MYO5C: variants seen among roughly 807,000 people sequenced by gnomAD.
MYO5C encodes the protein myosin VC.
MYO5C carries 194 observed loss-of-function variants against 235.7 expected under a neutral mutation model. The ratio of observed to expected loss-of-function variants is 0.82; its 90% CI spans 0.73 to 0.93. The LOEUF (loss-of-function observed/expected upper bound fraction) is 0.93, where lower values mean the gene tolerates loss of function less well. MYO5C is among the 40% of genes least tolerant of loss of function. The probability of loss-of-function intolerance (pLI) is 0.00; values close to 1 mark genes in which losing one functional copy is unlikely to be tolerated. For missense variants in MYO5C, 2,038 were observed against 2,127.2 expected (o/e 0.96, Z 0.82); for synonymous variants, 707 against 754.8 (o/e 0.94, Z 1.04).
chr15:52,227,794 G>A (rs2035862618), intron 25 of MYO5C, among the ~76,000 whole-genome samples: 1 of 152,208 alleles, frequency 6.6e-6, no homozygotes, highest in South Asian at 2.1e-4. Flanking sequence ...AGACACTTCA[G>A]TTGTGGAATT....
intron 1 of MYO5C, among the ~76,000 whole-genome samples, chr15:52,295,375 G>A (rs569780709): frequency 6.6e-6 from 1 of 152,292 alleles, no homozygotes; most frequent in Non-Finnish European, 1.5e-5. Context: ...GCCAGGAGGG[G>A]GCTTACCCGC....
At chr15:52,253,963 G>T (rs1290086691) in intron 11 of MYO5C, among the ~76,000 whole-genome samples, 8 of 121,480 alleles carry the variant, frequency 6.6e-5, no homozygotes, top group Admixed American at 5.7e-4. Context: ...GAGGATGAAA[G>T]AAAGTTTGGC....
At chr15:52,259,330 G>A (rs1480447151) in intron 10 of MYO5C, among the ~76,000 whole-genome samples, 1 of 149,204 alleles carries the variant, frequency 6.7e-6, no homozygotes, top group Non-Finnish European at 1.5e-5. Context: ...TGAGACAGGA[G>A]AATCGCTTGA....
In MYO5C at chr15:52,204,849, G is replaced by C. The variant is rs752170013; in HGVS notation, c.4820+16C>G. 6 of 1,611,386 alleles carry C rather than the reference G, an allele frequency of 3.7e-6. No individual in the cohort carries two copies. The highest frequency in any genetic ancestry group is 4.2e-6 in the Non-Finnish European group (5 of 1,178,944). On this transcript the variant is annotated intron_variant, in intron 38 of 40. Coordinates refer to ENST00000261839, the MANE Select transcript of MYO5C (RefSeq NM_018728.4). ...CTGCAGGCCTCTCCGCGTGAGCGGA[G>C]GTTTCTGGGTTTTACCTGATCTGCA... is the stretch of plus-strand genomic sequence containing the variant.
rs775479835 is a variant in MYO5C at position 52,256,587 on chromosome 15, A to ACGCG, written c.1395+48_1395+51dup. Reference sequence around the variant, plus strand: ...AACACACACACACACACACACACACACGCGCGCGCGCGCGGCTGAGAACTA... The same window carrying ACGCG: ...AACACACACACACACACACACACACACGCGCGCGCGCGCGCGCGGCTGAGAACTA... On this transcript the variant is annotated intron_variant, in intron 11 of 40. Transcript: ENST00000261839. 6.2e-3 allele frequency: 3,500 copies of ACGCG among 566,738 alleles called. 114 individuals are homozygous for ACGCG. The highest frequency in any genetic ancestry group is 0.035 in the African/African-American group (1,808 of 50,934). The allele number at this position is 566,738 out of a possible 1,614,324, so 35.1% of individuals were successfully genotyped here. A position where few individuals can be genotyped will look rare whatever the true frequency, so the allele number is the denominator to read the frequency against.
At position 52,256,674 on chromosome 15, in the gene MYO5C, A is replaced by T; in HGVS notation, c.1360T>A (p.Tyr454Asn). 6.2e-7 allele frequency: 1 copy of T among 1,606,932 alleles called. No individual in the cohort carries two copies. The highest frequency in any genetic ancestry group is 2.4e-5 in the East Asian group (1 of 42,286). The change falls in exon 11 of 41, where the codon TAC becomes AAC. Residue 454 changes from tyrosine (Y) to asparagine (N), a missense_variant. By Grantham distance (143) the Tyr-to-Asn change is moderately radical. Coordinates refer to ENST00000261839, the MANE Select transcript of MYO5C (RefSeq NM_018728.4). ...VNSFEQFCIN[Y>N]ANEKLQQQFN... ...TGTTGTTGCAGTTTTTCATTAGCGTAATTGATGCAAAATTGTTCAAAGCTG... is the reference window on the plus strand; with the variant it reads ...TGTTGTTGCAGTTTTTCATTAGCGTTATTGATGCAAAATTGTTCAAAGCTG...
chr15:52,287,583 C>G (rs2140871069), intron 1 of MYO5C, among the ~76,000 whole-genome samples: 1 of 152,192 alleles, frequency 6.6e-6, no homozygotes, highest in Non-Finnish European at 1.5e-5. Context: ...CATGAATTAC[C>G]AAATTTATCA....
chr15:52,284,436 AGGGT>A (rs2037220574), intron 1 of MYO5C, among the ~76,000 whole-genome samples: 1 of 142,888 alleles, frequency 7.0e-6, no homozygotes, highest in African/African-American at 2.5e-5. Flanking sequence ...GTTGCCTCTG[AGGGT>A]GGGTGGGGCC....
At chr15:52,265,077 T>C (rs896102270) in intron 8 of MYO5C, 1 of 152,260 alleles carries the variant, frequency 6.6e-6, no homozygotes, top group African/African-American at 2.4e-5. Context: ...ACCTCTGCAG[T>C]TGTAAATAAT....
At chr15:52,269,694 ATTTTT>A in intron 8 of MYO5C, 54 bp downstream of exon 8, 1 of 1,015,562 alleles carries the variant, frequency 9.8e-7, no homozygotes. Flanking sequence ...CCTGGCCTTA[ATTTTT>A]TTTTTTTTTT....
rs1197103603 is a variant in MYO5C at position 52,219,799 on chromosome 15, G to A, written c.3745C>T (p.Gln1249Ter). 6.2e-7 allele frequency: 1 copy of A among 1,612,272 alleles called. No homozygotes were observed. Among genetic ancestry groups the A allele is most frequent in the East Asian group, 2.2e-5 (1 of 44,858 alleles). ...MKGKLEELSN[Q>*]LHRSQEEEGT... Reference sequence around the variant, plus strand: ...TCCTCCTCTTGACTGCGATGTAACTGATTAGACAATTCTTCTAGTTTTCCT... The same window carrying A: ...TCCTCCTCTTGACTGCGATGTAACTAATTAGACAATTCTTCTAGTTTTCCT... Residue 1249 changes from glutamine to a stop codon, truncating the protein, a stop_gained, in exon 31 of 41, where the codon CAG (glutamine) becomes TAG (stop). Transcript: ENST00000261839. LOFTEE classifies it high-confidence loss of function.
chr15:52,237,430 T>C, intron 22 of MYO5C, 52 bp downstream of exon 22: 1 of 1,573,128 alleles, frequency 6.4e-7, no homozygotes, highest in Non-Finnish European at 8.6e-7. Context: ...CGCTCATCTT[T>C]TTCACAGAGA....
intron 22 of MYO5C, among the ~76,000 whole-genome samples, chr15:52,236,124 G>A (rs191655633): frequency 4.6e-4 from 70 of 152,350 alleles, no homozygotes; most frequent in African/African-American, 1.6e-3. Context: ...AGTTGATGGC[G>A]TAAAGGGGAT....
At chr15:52,194,992 CT>C (rs945580708) in intron 40 of MYO5C, among the ~76,000 whole-genome samples, 22 of 152,052 alleles carry the variant, frequency 1.4e-4, no homozygotes, top group African/African-American at 5.3e-4. Flanking sequence ...AACTGCTGCC[CT>C]AGAGTTCCTT....
chr15:52,242,208 G>A lies in MYO5C; in HGVS notation c.2396C>T (p.Ala799Val), dbSNP rs1456705986. The change falls in exon 20 of 41, where the codon GCT becomes GTT. Residue 799 changes from alanine to valine, a missense_variant. Transcript: ENST00000261839. The stretch of plus-strand genomic sequence containing the variant: ...TTCTTTTAAGGCCACTGCAGTAATA[G>A]CTTTCCTTGGTTAACAAGGATGAAG... ...YFRGQQTVRK[A>V]ITAVALKEAW... The A allele has an allele frequency of 6.2e-7, 1 of 1,610,400 alleles. No homozygotes were observed. Among genetic ancestry groups the A allele is most frequent in the Non-Finnish European group, 8.5e-7 (1 of 1,177,994 alleles).
rs2037191881 is a variant in MYO5C at position 52,282,961 on chromosome 15, A to G, written c.28-69T>C. ...ATTATGGATCAATGCATGGTTAGACACAGGAAGGTTTCTTTCTGTGCACTA... is the reference window on the plus strand; with the variant it reads ...ATTATGGATCAATGCATGGTTAGACGCAGGAAGGTTTCTTTCTGTGCACTA... On this transcript the variant is annotated intron_variant, in intron 1 of 40. Coordinates refer to ENST00000261839, the MANE Select transcript of MYO5C (RefSeq NM_018728.4). The G allele has an allele frequency of 3.0e-6, 3 of 1,005,052 alleles. No individual in the cohort carries two copies. In the South Asian group the frequency reaches 4.0e-5, roughly 13 times the overall value. The allele number at this position is 1,005,052 out of a possible 1,614,324, so 62.3% of individuals were successfully genotyped here.
At chr15:52,209,216 C>G (rs1299442295) in intron 35 of MYO5C, among the ~76,000 whole-genome samples, 1 of 152,014 alleles carries the variant, frequency 6.6e-6, no homozygotes, top group African/African-American at 2.4e-5. Context: ...CAGAGAAAAT[C>G]CTGGGATTTA....
At chr15:52,284,825 C>A (rs1219414279) in intron 1 of MYO5C, among the ~76,000 whole-genome samples, 1 of 132,554 alleles carries the variant, frequency 7.5e-6, no homozygotes, top group South Asian at 2.4e-4. Context: ...CTATAAAATT[C>A]TTTTTCTTTC....
intron 20 of MYO5C, 111 bp downstream of exon 20, chr15:52,241,937 C>G (rs2036233754): frequency 1.6e-6 from 2 of 1,257,278 alleles, no homozygotes; most frequent in Non-Finnish European, 2.2e-6. Context: ...TTGGCTGACA[C>G]TTTGTACAAA....
Sources: allele counts gnomAD v4.1 joint callset (sites outside exome capture counted in the v4.1 genomes callset), GRCh38; gene constraint gnomAD v4.1.1; transcripts MANE v1.5; gene names NCBI Gene and HGNC (gene_info 2026-07-23, HGNC 2026-07-21).